ASB15: variants seen among roughly 807,000 people sequenced by gnomAD.
The protein encoded by ASB15 is ankyrin repeat and SOCS box protein 15.
In ASB15, 54 loss-of-function variants were observed where a neutral mutation model predicts 58.0. The ratio of observed to expected loss-of-function variants is 0.93; its 90% CI spans 0.75 to 1.17. ASB15 has a LOEUF of 1.17. ASB15 is among the 50% of genes most tolerant of loss of function. The pLI, the probability that ASB15 is intolerant of heterozygous loss-of-function variation, is 0.00. For missense variants in ASB15, 680 were observed against 707.4 expected, an observed-to-expected ratio of 0.96 and a Z score of 0.44; for synonymous variants, 249 against 262.4, an observed-to-expected ratio of 0.95 and a Z score of 0.50.
At chr7:123,596,299 T>C (rs1799690149) in intron 1 of ASB15, 1 of 152,000 alleles carries the variant, frequency 6.6e-6, no homozygotes, top group African/African-American at 2.4e-5. Context: ...CTTTTAATGG[T>C]AGAAAGGATG....
intron 1 of ASB15, among the ~76,000 whole-genome samples, chr7:123,592,066 G>C (rs1397574232): frequency 6.6e-6 from 1 of 152,130 alleles, no homozygotes; most frequent in Non-Finnish European, 1.5e-5. Context: ...ATTTCTTCTA[G>C]ATATTTTAGT....
At chr7:123,612,074 G>T (rs1800499198) in intron 3 of ASB15, among the ~76,000 whole-genome samples, 1 of 152,134 alleles carries the variant, frequency 6.6e-6, no homozygotes, top group South Asian at 2.1e-4. Flanking sequence ...AACAGGGTTA[G>T]ATTTAAGCTG....
intron 1 of ASB15, among the ~76,000 whole-genome samples, chr7:123,593,256 A>G (rs1799594666): frequency 6.6e-6 from 1 of 152,122 alleles, no homozygotes; most frequent in Non-Finnish European, 1.5e-5. Context: ...TAATTGGGGC[A>G]TTTAGCCTGT....
rs1584785484 is a variant in ASB15, at chr7:123,617,645, A to G, written c.359A>G (p.Lys120Arg). The G allele has an allele frequency of 6.2e-6, 10 of 1,610,980 alleles. No individual in the cohort carries two copies. Among genetic ancestry groups the G allele is most frequent in the Non-Finnish European group, 8.5e-6 (10 of 1,177,216 alleles). Residue 120 changes from lysine to arginine, a missense_variant, in exon 7 of 12, where the codon AAA becomes AGA. Transcript: ENST00000451215. ...GAAACACCCTTGACTTTGGCAGTCA[A>G]AGCTGGTCTGGTGGAAAATGTAAGA... ...DGETPLTLAV[K>R]AGLVENVRTL...
At chr7:123,586,952 T>C (rs1386463020) in intron 1 of ASB15, among the ~76,000 whole-genome samples, 2 of 151,736 alleles carry the variant, frequency 1.3e-5, no homozygotes, top group Admixed American at 1.3e-4. Flanking sequence ...TATCTTTGTC[T>C]TTGTATTATA....
rs374882646 is a variant in ASB15, at chr7:123,636,806, T to C, written c.1595-3T>C. On this transcript the variant is annotated splice_polypyrimidine_tract_variant and splice_region_variant and intron_variant, in intron 11 of 11. Transcript: ENST00000451215. ...TTTTGCTTATTTTCCCGATTTCTTT[T>C]AGAGAATCCTTGTTCATTGAAGCAT... is the stretch of plus-strand genomic sequence containing the variant. 465 of 1,596,302 alleles carry C rather than the reference T, an allele frequency of 2.9e-4. No individual in the cohort carries two copies. Among genetic ancestry groups the C allele is most frequent in the Non-Finnish European group, 3.8e-4 (446 of 1,174,368 alleles).
intron 11 of ASB15, among the ~76,000 whole-genome samples, chr7:123,631,587 A>G (rs990968793): frequency 2.0e-5 from 3 of 152,164 alleles, no homozygotes; most frequent in African/African-American, 4.8e-5. Context: ...AGTAAAATCA[A>G]AAATCGAGCA....
chr7:123,611,449 C>T (rs1584771979), intron 3 of ASB15, among the ~76,000 whole-genome samples: 1 of 150,176 alleles, frequency 6.7e-6, no homozygotes, highest in African/African-American at 2.5e-5. Flanking sequence ...CGCCCGCCAC[C>T]GTACCTAATT....
intron 7 of ASB15, among the ~76,000 whole-genome samples, chr7:123,624,186 G>A (rs1420391966): frequency 2.6e-5 from 4 of 152,020 alleles, no homozygotes; most frequent in Admixed American, 2.0e-4. Context: ...TATGTACTAG[G>A]TACTACACTG....
At chr7:123,602,024 ACTTT>A (rs1428913279) in intron 1 of ASB15, 110 bp downstream of exon 1, 1 of 152,196 alleles carries the variant, frequency 6.6e-6, no homozygotes, top group Non-Finnish European at 1.5e-5. Flanking sequence ...GCTACTCATT[ACTTT>A]CTTTCCACTT....
At chr7:123,581,944 T>C (rs527715686) in intron 1 of ASB15, among the ~76,000 whole-genome samples, 3 of 152,162 alleles carry the variant, frequency 2.0e-5, no homozygotes, top group Admixed American at 2.0e-4. Context: ...ACTAGCAAAC[T>C]GTAAAGAGCT....
At chr7:123,628,354 G>A (rs1801928360) in intron 9 of ASB15, among the ~76,000 whole-genome samples, 1 of 152,198 alleles carries the variant, frequency 6.6e-6, no homozygotes, top group Non-Finnish European at 1.5e-5. Context: ...GTCTAACTGT[G>A]TGACCTTGGA....
intron 1 of ASB15, among the ~76,000 whole-genome samples, chr7:123,602,768 T>C (rs1224672832): frequency 6.6e-6 from 1 of 152,214 alleles, no homozygotes; most frequent in Non-Finnish European, 1.5e-5. Context: ...TTCTCAGGTT[T>C]ATGAATTTTT....
At chr7:123,625,677 A>G (rs1410181895) in intron 8 of ASB15, among the ~76,000 whole-genome samples, 2 of 152,120 alleles carry the variant, frequency 1.3e-5, no homozygotes, top group African/African-American at 4.8e-5. Flanking sequence ...TAAACCCTCC[A>G]GGTGTTTTAT....
In ASB15 at chr7:123,624,802, CTAAT is replaced by C. The variant is rs778460253; in HGVS notation, c.686_689del (p.Leu229ProfsTer63). ...TGGTCACTGTGACGTGTTAGAACATCTAATCCACAAAGGTATGTGAAAAGGAGTT... is the reference window on the plus strand; with the variant it reads ...TGGTCACTGTGACGTGTTAGAACATCCCACAAAGGTATGTGAAAAGGAGTT... On this transcript the variant is annotated frameshift_variant, in exon 8 of 12. Transcript: ENST00000451215. LOFTEE classifies it high-confidence loss of function. 2.1e-5 allele frequency: 34 copies of C among 1,613,726 alleles called. No homozygotes were observed. The highest frequency in any genetic ancestry group is 2.9e-5 in the Non-Finnish European group (34 of 1,179,874).
intron 3 of ASB15, 131 bp from the exon 4 acceptor site, chr7:123,614,370 T>G: frequency 1.6e-6 from 1 of 624,494 alleles, no homozygotes; most frequent in Non-Finnish European, 2.8e-6. Context: ...GTTACCCACA[T>G]TTGTATTTGT....
intron 11 of ASB15, among the ~76,000 whole-genome samples, chr7:123,635,152 G>A (rs1362997717): frequency 6.6e-6 from 1 of 152,172 alleles, no homozygotes; most frequent in Admixed American, 6.5e-5. Flanking sequence ...CTTAGATGAT[G>A]AAACTCTAAA....
chr7:123,602,179 G>C (rs998573536), intron 1 of ASB15, among the ~76,000 whole-genome samples: 1 of 152,026 alleles, frequency 6.6e-6, no homozygotes. Flanking sequence ...TTAAGAATGA[G>C]TATCCTTATA....
intron 4 of ASB15, among the ~76,000 whole-genome samples, chr7:123,615,910 G>A (rs1800774939): frequency 6.6e-6 from 1 of 152,128 alleles, no homozygotes; most frequent in South Asian, 2.1e-4. Flanking sequence ...GCTGGGAATT[G>A]AACCTAGCTC....
Sources: allele counts gnomAD v4.1 joint callset (sites outside exome capture counted in the v4.1 genomes callset), GRCh38; gene constraint gnomAD v4.1.1; transcripts MANE v1.5; gene names NCBI Gene and HGNC (gene_info 2026-07-23, HGNC 2026-07-21).